RPS6KC1: variants seen among roughly 807,000 people sequenced by gnomAD.
RPS6KC1 encodes ribosomal protein S6 kinase C1.
In RPS6KC1, 54 loss-of-function variants were observed where a neutral mutation model predicts 103.8. The ratio of observed to expected loss-of-function variants is 0.52; its 90% CI spans 0.42 to 0.65. The LOEUF (loss-of-function observed/expected upper bound fraction) is 0.65, where lower values mean the gene tolerates loss of function less well. Among genes scored for constraint, RPS6KC1 ranks in the 30% least tolerant of loss-of-function variants. The pLI, the probability that RPS6KC1 is intolerant of heterozygous loss-of-function variation, is 0.00. For synonymous variants in RPS6KC1, 439 were observed against 438.7 expected, an observed-to-expected ratio of 1.00 and a Z score of -0.01; for missense variants, 1,151 against 1,253.8, an observed-to-expected ratio of 0.92 and a Z score of 1.24.
the RPS6KC1 span, among the ~76,000 whole-genome samples, chr1:213,625,041 GGT>G: frequency 6.6e-6 from 1 of 152,014 alleles, no homozygotes; most frequent in Non-Finnish European, 1.5e-5. Flanking sequence ...GGAGTGCAGT[GGT>G]GTGATCTCCA....
intron 14 of RPS6KC1, among the ~76,000 whole-genome samples, chr1:213,269,006 T>C (rs992627375): frequency 6.6e-6 from 1 of 152,052 alleles, no homozygotes; most frequent in Non-Finnish European, 1.5e-5. Flanking sequence ...ACCGTGTCAA[T>C]AAAGTGAATA....
the RPS6KC1 span, among the ~76,000 whole-genome samples, chr1:213,488,760 G>A: frequency 6.6e-6 from 1 of 152,196 alleles, no homozygotes; most frequent in Admixed American, 6.6e-5. Context: ...ACTGACATAA[G>A]ATCTTTCCAA....
chr1:213,399,404 C>T, the RPS6KC1 span, among the ~76,000 whole-genome samples: 1 of 152,134 alleles, frequency 6.6e-6, no homozygotes, highest in African/African-American at 2.4e-5. Context: ...GATCCTTGGC[C>T]TCTTCCAGAA....
At chr1:213,498,679 C>A in the RPS6KC1 span, among the ~76,000 whole-genome samples, 1 of 151,984 alleles carries the variant, frequency 6.6e-6, no homozygotes, top group Non-Finnish European at 1.5e-5. Flanking sequence ...TGGTCTCGAT[C>A]TTCTGGCTTC....
chr1:213,083,658 A>G (rs2080112564), intron 3 of RPS6KC1, among the ~76,000 whole-genome samples: 1 of 151,944 alleles, frequency 6.6e-6, no homozygotes, highest in Non-Finnish European at 1.5e-5. Flanking sequence ...CCTTGGGAGG[A>G]GGGTGAGGAG....
chr1:213,507,284 G>T, the RPS6KC1 span, among the ~76,000 whole-genome samples: 2 of 152,116 alleles, frequency 1.3e-5, no homozygotes, highest in African/African-American at 4.8e-5. Flanking sequence ...CACGCAACCT[G>T]CCTGGCTCTG....
chr1:213,580,987 G>T, the RPS6KC1 span, among the ~76,000 whole-genome samples: 1 of 151,994 alleles, frequency 6.6e-6, no homozygotes, highest in Non-Finnish European at 1.5e-5. Flanking sequence ...ATGTACATAG[G>T]TAATTTGCAA....
chr1:213,472,065 A>T, the RPS6KC1 span, among the ~76,000 whole-genome samples: 1 of 152,082 alleles, frequency 6.6e-6, no homozygotes, highest in Non-Finnish European at 1.5e-5. Flanking sequence ...AGCTGCCTGG[A>T]ATGATTTTTG....
chr1:213,755,476 C>G, the RPS6KC1 span, among the ~76,000 whole-genome samples: 2 of 152,184 alleles, frequency 1.3e-5, no homozygotes, highest in African/African-American at 4.8e-5. Context: ...ATGTGTAGGT[C>G]CCACATTTGC....
chr1:213,764,684 T>C, the RPS6KC1 span, among the ~76,000 whole-genome samples: 1 of 152,108 alleles, frequency 6.6e-6, no homozygotes, highest in Admixed American at 6.5e-5. Context: ...AGGGAGTCAA[T>C]GCAAAGCCTT....
the RPS6KC1 span, among the ~76,000 whole-genome samples, chr1:213,712,448 G>T: frequency 1.3e-5 from 2 of 152,222 alleles, no homozygotes; most frequent in Non-Finnish European, 2.9e-5. Context: ...TAGCTTGCTG[G>T]GCTCCATGGG....
At chr1:213,452,217 C>A in the RPS6KC1 span, among the ~76,000 whole-genome samples, 1 of 151,984 alleles carries the variant, frequency 6.6e-6, no homozygotes, top group Non-Finnish European at 1.5e-5. Context: ...ACACTTTAAT[C>A]ATGAGCTAAT....
At chr1:213,611,807 A>G in the RPS6KC1 span, among the ~76,000 whole-genome samples, 5 of 152,224 alleles carry the variant, frequency 3.3e-5, no homozygotes, top group Non-Finnish European at 7.3e-5. Context: ...GGAGCCATCA[A>G]ACTGAATCTC....
At chr1:213,758,849 T>C in the RPS6KC1 span, among the ~76,000 whole-genome samples, 1 of 152,220 alleles carries the variant, frequency 6.6e-6, no homozygotes, top group Non-Finnish European at 1.5e-5. Context: ...AAGTGGCTTC[T>C]TGAGATGGAA....
At chr1:213,584,754 G>T in the RPS6KC1 span, among the ~76,000 whole-genome samples, 1 of 152,178 alleles carries the variant, frequency 6.6e-6, no homozygotes, top group Admixed American at 6.5e-5. Flanking sequence ...GAAGATGAAT[G>T]GTTCTTAGGT....
At chr1:213,523,647 A>T in the RPS6KC1 span, among the ~76,000 whole-genome samples, 5 of 152,326 alleles carry the variant, frequency 3.3e-5, no homozygotes, top group Non-Finnish European at 7.4e-5. Context: ...TATCTTTATG[A>T]CCATTATTTT....
chr1:213,484,024 A>G, the RPS6KC1 span, among the ~76,000 whole-genome samples: 2 of 152,220 alleles, frequency 1.3e-5, no homozygotes, highest in East Asian at 1.9e-4. Context: ...CTGTCTTCCT[A>G]GAATCCAAAA....
chr1:213,508,854 G>T, the RPS6KC1 span, among the ~76,000 whole-genome samples: 1 of 152,168 alleles, frequency 6.6e-6, no homozygotes, highest in East Asian at 1.9e-4. Context: ...TTTAGCAGGT[G>T]GATGCTGGAG....
At chr1:213,449,246 G>A in the RPS6KC1 span, among the ~76,000 whole-genome samples, 1 of 152,070 alleles carries the variant, frequency 6.6e-6, no homozygotes, top group African/African-American at 2.4e-5. Context: ...CCCACTTAGA[G>A]ATTGATTTAG....
Sources: gnomAD v4.1 joint callset for allele counts (sites outside exome capture counted in the v4.1 genomes callset) on GRCh38, gnomAD v4.1.1 for gene constraint, MANE v1.5 for transcripts, NCBI Gene and HGNC (gene_info 2026-07-23, HGNC 2026-07-21) for gene names.